Variants in HORMAD2 observed in about 807,000 individuals in gnomAD.
HORMAD2 encodes the protein HORMA domain-containing protein 2.
Under a neutral mutation model 38.8 loss-of-function variants are expected in HORMAD2, and 45 were observed. The observed-to-expected ratio is 1.16, with a 90% CI of 0.91 to 1.49. The LOEUF is 1.49. HORMAD2 is among the 40% of genes most tolerant of loss of function. HORMAD2 has a pLI of 0.00. For missense variants in HORMAD2, 338 were observed against 367.0 expected (o/e 0.92, Z 0.65); for synonymous variants, 126 against 122.8 (o/e 1.03, Z -0.17).
intron 1 of HORMAD2, among the ~76,000 whole-genome samples, chr22:30,092,346 T>C (rs987967745): frequency 4.2e-5 from 2 of 48,156 alleles, no homozygotes; most frequent in African/African-American, 2.0e-4. Context: ...GATCCTTTGC[T>C]TTTTTTTTTT....
intron 2 of HORMAD2, among the ~76,000 whole-genome samples, chr22:30,095,770 A>G (rs1199477270): frequency 1.3e-5 from 2 of 152,202 alleles, no homozygotes; most frequent in African/African-American, 4.8e-5. Context: ...ACATTTTCCA[A>G]ACTTATTTGA....
chr22:30,079,116 A>G (rs2068426174), upstream of HORMAD2, among the ~76,000 whole-genome samples: 2 of 152,056 alleles, frequency 1.3e-5, no homozygotes, highest in Admixed American at 6.6e-5. Flanking sequence ...CAACTTGAAT[A>G]GTTTTTTTTT....
At chr22:30,164,907 T>G (rs1263592413) in intron 10 of HORMAD2, among the ~76,000 whole-genome samples, 4 of 152,250 alleles carry the variant, frequency 2.6e-5, no homozygotes, top group African/African-American at 9.6e-5. Context: ...ATGGGTTGCC[T>G]TCTTGATAAT....
chr22:30,121,524 T>C, intron 8 of HORMAD2, 108 bp from the exon 9 acceptor site: 1 of 851,112 alleles, frequency 1.2e-6, no homozygotes, highest in Non-Finnish European at 1.7e-6. Flanking sequence ...TCTCAAAATA[T>C]ACTAATGTTT....
intron 10 of HORMAD2, among the ~76,000 whole-genome samples, chr22:30,132,637 A>G (rs1923367473): frequency 6.6e-6 from 1 of 152,066 alleles, no homozygotes; most frequent in South Asian, 2.1e-4. Flanking sequence ...CTTTTGTCAA[A>G]CAGAAAATTA....
intron 10 of HORMAD2, among the ~76,000 whole-genome samples, chr22:30,129,681 T>C (rs1923144370): frequency 6.6e-6 from 1 of 152,108 alleles, no homozygotes; most frequent in African/African-American, 2.4e-5. Flanking sequence ...TTGGTGATTT[T>C]TTTTTTTTCT....
At chr22:30,124,006 CAAAT>C (rs1313869229) in intron 10 of HORMAD2, among the ~76,000 whole-genome samples, 1 of 149,146 alleles carries the variant, frequency 6.7e-6, no homozygotes, top group Non-Finnish European at 1.5e-5. Flanking sequence ...TTTTTTTAAT[CAAAT>C]GAAAGCAGGA....
At chr22:30,196,640 G>A in the HORMAD2 span, among the ~76,000 whole-genome samples, 1 of 152,224 alleles carries the variant, frequency 6.6e-6, no homozygotes, top group African/African-American at 2.4e-5. Context: ...GAAGGGAAGT[G>A]TCAAGTGGAG....
In HORMAD2 at chr22:30,166,035, C is replaced by A. The variant is rs549196530; in HGVS notation, c.820-10028C>A. 2.0e-4 allele frequency among the ~76,000 whole-genome samples: 30 copies of A among 147,816 alleles called. No individual in the cohort carries two copies. The South Asian group carries it at 2.4e-3, about 12-fold the overall frequency. On this transcript the variant is annotated intron_variant, in intron 10 of 10. Coordinates refer to ENST00000336726, the MANE Select transcript of HORMAD2 (RefSeq NM_152510.4). ...TATTATTATTATTCCCCTCATTATT[C>A]TTCTTTTTCATTATTCTTTTTAAGG...
chr22:30,136,862 G>A (rs1923697364), intron 10 of HORMAD2: 1 of 373,312 alleles, frequency 2.7e-6, no homozygotes. Flanking sequence ...AAACAGATAG[G>A]CAAGCCTTTT....
intron 1 of HORMAD2, among the ~76,000 whole-genome samples, chr22:30,087,706 GGAGAGA>G (rs142780838): frequency 6.7e-6 from 1 of 150,198 alleles, no homozygotes; most frequent in Non-Finnish European, 1.5e-5. Context: ...GGCCAAAGCA[GGAGAGA>G]GAGAGAGAGG....
intron 5 of HORMAD2, 46 bp from the exon 6 acceptor site, chr22:30,111,750 G>T: frequency 7.1e-7 from 1 of 1,408,698 alleles, no homozygotes; most frequent in Non-Finnish European, 9.7e-7. Context: ...TGATAATATA[G>T]GTGCAAGTAT....
chr22:30,125,012 G>A (rs1306927048), intron 10 of HORMAD2, among the ~76,000 whole-genome samples: 1 of 151,884 alleles, frequency 6.6e-6, no homozygotes, highest in Non-Finnish European at 1.5e-5. Context: ...GATTATTTGT[G>A]TGTTTGTGCA....
intron 10 of HORMAD2, among the ~76,000 whole-genome samples, chr22:30,151,945 A>G (rs1028535145): frequency 3.2e-4 from 48 of 152,300 alleles, no homozygotes; most frequent in Middle Eastern, 3.4e-3. Context: ...AGCTGGTCTA[A>G]ACATTAGGTA....
the HORMAD2 span, among the ~76,000 whole-genome samples, chr22:30,195,129 G>A: frequency 6.8e-6 from 1 of 146,310 alleles, no homozygotes; most frequent in African/African-American, 2.5e-5. Context: ...GAAGGCAAAG[G>A]TTGCAGTGAG....
intron 10 of HORMAD2, among the ~76,000 whole-genome samples, chr22:30,164,088 A>T (rs553260523): frequency 1.3e-5 from 2 of 152,286 alleles, no homozygotes; most frequent in African/African-American, 2.4e-5. Context: ...ACTTAGCATA[A>T]TGTCCTCAAG....
At chr22:30,169,792 A>G (rs1219480748) in intron 10 of HORMAD2, among the ~76,000 whole-genome samples, 2 of 152,128 alleles carry the variant, frequency 1.3e-5, no homozygotes, top group Non-Finnish European at 2.9e-5. Flanking sequence ...AACTTCTTCT[A>G]TTTCCAATCT....
chr22:30,136,717 C>G (rs569889395), intron 10 of HORMAD2: 1 of 161,846 alleles, frequency 6.2e-6, no homozygotes, highest in African/African-American at 2.4e-5. Flanking sequence ...TCAGCTCATT[C>G]AATTTTAGCA....
chr22:30,123,042 C>T (rs1922571988), intron 10 of HORMAD2, among the ~76,000 whole-genome samples: 1 of 152,164 alleles, frequency 6.6e-6, no homozygotes, highest in African/African-American at 2.4e-5. Flanking sequence ...GGTGACTGTA[C>T]TAGGTAACTT....
Sources: gnomAD v4.1 joint callset for allele counts (sites outside exome capture counted in the v4.1 genomes callset) on GRCh38, gnomAD v4.1.1 for gene constraint, MANE v1.5 for transcripts, NCBI Gene and HGNC (gene_info 2026-07-23, HGNC 2026-07-21) for gene names.